DNAL1: variants seen among roughly 807,000 people sequenced by gnomAD.
DNAL1 encodes the protein dynein axonemal light chain 1, also known as chromosome 14 open reading frame 168.
DNAL1 carries 17 observed loss-of-function variants against 29.4 expected under a neutral mutation model. The ratio of observed to expected loss-of-function variants is 0.58; its 90% CI spans 0.40 to 0.87. DNAL1 has a LOEUF of 0.87. DNAL1 is among the 40% of genes least tolerant of loss of function. DNAL1 has a pLI of 0.00. For synonymous variants in DNAL1, 78 were observed against 76.3 expected, an observed-to-expected ratio of 1.02 and a Z score of -0.12; for missense variants, 188 against 214.1, an observed-to-expected ratio of 0.88 and a Z score of 0.76.
At chr14:73,647,398 AAGAAAT>A (rs1316272509) in intron 1 of DNAL1, among the ~76,000 whole-genome samples, 3 of 143,620 alleles carry the variant, frequency 2.1e-5, no homozygotes, top group African/African-American at 8.9e-5. Flanking sequence ...GAAAAAGAAA[AAGAAAT>A]ATGTTTCACC....
intron 4 of DNAL1, among the ~76,000 whole-genome samples, chr14:73,664,135 T>G (rs1891420390): frequency 1.3e-5 from 2 of 152,226 alleles, no homozygotes; most frequent in Non-Finnish European, 2.9e-5. Context: ...TACTTATCTG[T>G]GCAGGTGCAG....
intron 4 of DNAL1, among the ~76,000 whole-genome samples, chr14:73,663,059 A>G (rs549970716): frequency 1.2e-4 from 18 of 152,164 alleles, no homozygotes; most frequent in African/African-American, 3.9e-4. Context: ...TTCTTCAAAC[A>G]TTTTGACCAC....
rs1216271700 is a variant in DNAL1, at chr14:73,696,514, C to T, written c.*572C>T. ...GAAAAAGTAGTATCTCAGAGACCTT[C>T]TAGTCTATATTATACTTATTTGTTT... On this transcript the variant is annotated 3_prime_UTR_variant, in exon 8 of 8. Coordinates refer to ENST00000553645, the MANE Select transcript of DNAL1 (RefSeq NM_031427.4). 1 of 152,410 alleles carries T rather than the reference C, an allele frequency of 6.6e-6. No homozygotes were observed. The highest frequency in any genetic ancestry group is 2.4e-5 in the African/African-American group (1 of 41,438). The allele number at this position is 152,410 out of a possible 1,614,324, so 9.4% of individuals were successfully genotyped here.
intron 5 of DNAL1, 25 bp from the exon 6 acceptor site, chr14:73,687,232 CAT>C: frequency 1.2e-6 from 2 of 1,607,688 alleles, no homozygotes; most frequent in Admixed American, 3.4e-5. Context: ...TAAACATAAA[CAT>C]AAATCAAATT....
chr14:73,661,942 C>A, intron 3 of DNAL1, 45 bp from the exon 4 acceptor site: 1 of 1,310,242 alleles, frequency 7.6e-7, no homozygotes, highest in Non-Finnish European at 1.1e-6. Context: ...TTCTGATTTA[C>A]CATTTACATT....
At chr14:73,659,002 T>C (rs747605624) in intron 3 of DNAL1, 46 bp downstream of exon 3, 2 of 1,278,644 alleles carry the variant, frequency 1.6e-6, no homozygotes, top group East Asian at 5.4e-5. Context: ...AGGTTTCCCT[T>C]TCTTTTCTTA....
At chr14:73,659,319 C>A (rs1319347701) in intron 3 of DNAL1, among the ~76,000 whole-genome samples, 1 of 151,830 alleles carries the variant, frequency 6.6e-6, no homozygotes, top group Non-Finnish European at 1.5e-5. Context: ...CATGCCACCA[C>A]GCCCAGCAAT....
chr14:73,645,312 C>T (rs1890954013), intron 1 of DNAL1, among the ~76,000 whole-genome samples: 1 of 152,048 alleles, frequency 6.6e-6, no homozygotes, highest in Non-Finnish European at 1.5e-5. Flanking sequence ...AGGAAATTCT[C>T]TAAAAAGAGC....
intron 5 of DNAL1, among the ~76,000 whole-genome samples, chr14:73,675,228 A>T (rs1891704031): frequency 6.6e-6 from 1 of 151,668 alleles, no homozygotes; most frequent in East Asian, 1.9e-4. Flanking sequence ...ACACACACAC[A>T]CACAAATCCT....
rs1282362315 is a variant in DNAL1, at chr14:73,701,294, T to C, written c.*5352T>C. On this transcript the variant is annotated 3_prime_UTR_variant, in exon 8 of 8. Coordinates refer to ENST00000553645, the MANE Select transcript of DNAL1 (RefSeq NM_031427.4). The stretch of plus-strand genomic sequence containing the variant: ...TGGATGTTGGTGGAAAGGACTTCCA[T>C]AGGGCAGATGGGTAAATATCTAGCC... The C allele has an allele frequency of 6.6e-6, 1 of 152,236 alleles. No individual in the cohort carries two copies. The highest frequency in any genetic ancestry group is 1.5e-5 in the Non-Finnish European group (1 of 68,048). 9.4% of individuals were successfully genotyped at this position (152,236 alleles called of 1,614,324 possible). A position where few individuals can be genotyped will look rare whatever the true frequency, so the allele number is the denominator to read the frequency against.
chr14:73,685,391 TTTAAC>T (rs1891995989), intron 5 of DNAL1, among the ~76,000 whole-genome samples: 3 of 152,228 alleles, frequency 2.0e-5, no homozygotes, highest in African/African-American at 7.2e-5. Flanking sequence ...GACTGGCTTA[TTTAAC>T]TTAGCGTAAT....
chr14:73,692,832 T>C (rs528789417), intron 7 of DNAL1, among the ~76,000 whole-genome samples: 1 of 151,158 alleles, frequency 6.6e-6, no homozygotes, highest in Non-Finnish European at 1.5e-5. Flanking sequence ...TAAGCAAAAC[T>C]GAGGGATCTT....
chr14:73,673,960 A>G (rs760852411), intron 5 of DNAL1, among the ~76,000 whole-genome samples: 5 of 151,176 alleles, frequency 3.3e-5, no homozygotes, highest in Non-Finnish European at 5.9e-5. Context: ...CACATACTAG[A>G]TGACTTATTC....
chr14:73,669,557 G>A (rs976220189), intron 4 of DNAL1, among the ~76,000 whole-genome samples: 4 of 152,168 alleles, frequency 2.6e-5, no homozygotes, highest in African/African-American at 9.7e-5. Context: ...TTACAGGCAT[G>A]AGCCACCACG....
intron 2 of DNAL1, among the ~76,000 whole-genome samples, chr14:73,657,185 G>T (rs1254941421): frequency 6.6e-6 from 1 of 152,072 alleles, no homozygotes; most frequent in Non-Finnish European, 1.5e-5. Context: ...CAAAGGAAAT[G>T]GCTCCTGAGC....
intron 1 of DNAL1, among the ~76,000 whole-genome samples, chr14:73,652,466 A>C (rs1891133183): frequency 6.6e-6 from 1 of 151,700 alleles, no homozygotes; most frequent in South Asian, 2.1e-4. Flanking sequence ...TGTAGAGACA[A>C]AGTCTCACTG....
intron 6 of DNAL1, among the ~76,000 whole-genome samples, chr14:73,687,717 A>C (rs1892054641): frequency 1.3e-5 from 2 of 152,192 alleles, no homozygotes; most frequent in African/African-American, 4.8e-5. Flanking sequence ...CTAAAAATAC[A>C]AAAAAATTAG....
chr14:73,647,886 A>G (rs1891016325), intron 1 of DNAL1, among the ~76,000 whole-genome samples: 1 of 152,182 alleles, frequency 6.6e-6, no homozygotes, highest in South Asian at 2.1e-4. Flanking sequence ...GGGTCTATGT[A>G]TACTTAATTT....
chr14:73,652,998 T>C (rs1891141931), intron 1 of DNAL1, among the ~76,000 whole-genome samples: 1 of 152,186 alleles, frequency 6.6e-6, no homozygotes, highest in African/African-American at 2.4e-5. Context: ...TTTATTTCAA[T>C]GAACAGTTTG....
Sources: allele counts gnomAD v4.1 joint callset (sites outside exome capture counted in the v4.1 genomes callset), GRCh38; gene constraint gnomAD v4.1.1; transcripts MANE v1.5; gene names NCBI Gene and HGNC (gene_info 2026-07-23, HGNC 2026-07-21).